CACHD1: variants seen among roughly 807,000 people sequenced by gnomAD.
CACHD1 encodes VWFA and cache domain-containing protein 1.
In CACHD1, 71 loss-of-function variants were observed where a neutral mutation model predicts 138.7. The ratio of observed to expected loss-of-function variants is 0.51; its 90% CI spans 0.42 to 0.62. The LOEUF (loss-of-function observed/expected upper bound fraction) is 0.62. Ranked by LOEUF, CACHD1 falls within the 20% of genes least tolerant of loss-of-function variation. The pLI is 0.00. For synonymous variants in CACHD1, 578 were observed against 591.5 expected, an observed-to-expected ratio of 0.98 and a Z score of 0.33; for missense variants, 1,389 against 1,625.3, an observed-to-expected ratio of 0.85 and a Z score of 2.50.
In CACHD1 at chr1:64,691,542, C is replaced by T; in HGVS notation, c.3806C>T (p.Thr1269Ile). The T allele has an allele frequency of 6.2e-7, 1 of 1,613,886 alleles. No homozygotes were observed. Among genetic ancestry groups the T allele is most frequent in the Non-Finnish European group, 8.5e-7 (1 of 1,179,796 alleles). The change falls in exon 27 of 27, where the codon ACT becomes ATT. Residue 1269 changes from threonine (T) to isoleucine (I), a missense_variant. This residue lies in a region of CACHD1 where 78 missense variants were observed against 76.9 expected (regional missense o/e 1.01). Transcript: ENST00000651257. The stretch of plus-strand genomic sequence containing the variant: ...TTACAGGCGGCCGTCACGGTACACA[C>T]TGTCGATGCAGAATGCTAACAATCT... ...HHLQAAVTVH[T>I]VDAEC
intron 1 of CACHD1, among the ~76,000 whole-genome samples, chr1:64,477,933 C>A (rs940353450): frequency 4.6e-5 from 7 of 152,036 alleles, no homozygotes; most frequent in Admixed American, 6.6e-5. Flanking sequence ...CGCGCCCGGC[C>A]CCCCCAGATT....
Position 64,652,268 on chromosome 1 carries a change from C to G in CACHD1, c.1498C>G (p.Gln500Glu). 2 of 1,613,426 alleles carry G rather than the reference C, an allele frequency of 1.2e-6. No individual in the cohort carries two copies. Among genetic ancestry groups the G allele is most frequent in the Non-Finnish European group, 1.7e-6 (2 of 1,179,676 alleles). The change falls in exon 10 of 27, where the codon CAA (glutamine) becomes GAA (glutamate). Residue 500 changes from glutamine (Q) to glutamate (E), a missense_variant. Gln to Glu is a conservative substitution (Grantham distance 29). Transcript: ENST00000651257. ...AYILEDVTYY[Q>E]DSLASYTFLI... ...CATTCTTGAAGACGTGACGTATTAC[C>G]AAGACTCTTTGGCTTCCTATACTTT...
intron 1 of CACHD1, among the ~76,000 whole-genome samples, chr1:64,472,870 G>A (rs943977336): frequency 1.4e-5 from 2 of 147,698 alleles, no homozygotes; most frequent in East Asian, 2.0e-4. Context: ...GCCCCCCCAC[G>A]CCTTTTCCTT....
At chr1:64,582,553 T>G (rs1468004361) in intron 3 of CACHD1, among the ~76,000 whole-genome samples, 3 of 152,068 alleles carry the variant, frequency 2.0e-5, no homozygotes, top group African/African-American at 7.2e-5. Context: ...AGTTGAGGAG[T>G]ATCAACTATT....
intron 2 of CACHD1, 97 bp downstream of exon 2, chr1:64,550,753 G>T: frequency 1.3e-6 from 1 of 769,576 alleles, no homozygotes; most frequent in South Asian, 1.6e-5. Flanking sequence ...GAGGTTTCCT[G>T]TTCTTTCTCT....
intron 7 of CACHD1, among the ~76,000 whole-genome samples, chr1:64,639,693 A>G (rs1326233055): frequency 6.6e-6 from 1 of 152,264 alleles, no homozygotes; most frequent in Non-Finnish European, 1.5e-5. Flanking sequence ...ATGGAAATGT[A>G]TAATTTGAAG....
At chr1:64,557,219 A>G (rs1646805426) in intron 2 of CACHD1, among the ~76,000 whole-genome samples, 1 of 152,182 alleles carries the variant, frequency 6.6e-6, no homozygotes, top group African/African-American at 2.4e-5. Flanking sequence ...ATGCCTCAGA[A>G]AGTAGCAAAA....
At chr1:64,546,179 G>A (rs930708726) in intron 1 of CACHD1, among the ~76,000 whole-genome samples, 1 of 152,074 alleles carries the variant, frequency 6.6e-6, no homozygotes, top group Non-Finnish European at 1.5e-5. Flanking sequence ...TTAGCCCTCC[G>A]GGGAGTTGGG....
chr1:64,529,431 C>G (rs558507804), intron 1 of CACHD1, among the ~76,000 whole-genome samples: 2 of 152,296 alleles, frequency 1.3e-5, no homozygotes, highest in Admixed American at 1.3e-4. Flanking sequence ...TACTTCGCAA[C>G]CAATCTACAA....
intron 9 of CACHD1, among the ~76,000 whole-genome samples, chr1:64,649,106 G>A (rs1457025192): frequency 2.6e-5 from 4 of 152,128 alleles, no homozygotes; most frequent in African/African-American, 7.2e-5. Context: ...AAACTCACGT[G>A]TAAAAAGTAA....
chr1:64,566,479 T>TCCCCTC (rs1553133823), intron 2 of CACHD1, among the ~76,000 whole-genome samples: 2 of 120,646 alleles, frequency 1.7e-5, no homozygotes, highest in African/African-American at 2.7e-5. Context: ...TGTTTTCAAT[T>TCCCCTC]CCCCCCCCCC....
At chr1:64,640,956 T>C (rs1648692907) in intron 7 of CACHD1, among the ~76,000 whole-genome samples, 1 of 152,132 alleles carries the variant, frequency 6.6e-6, no homozygotes, top group Admixed American at 6.6e-5. Context: ...TCAGTTATTC[T>C]ACCTCGCAGC....
intron 9 of CACHD1, 146 bp downstream of exon 9, chr1:64,648,180 C>T: frequency 1.6e-6 from 1 of 644,754 alleles, no homozygotes; most frequent in Non-Finnish European, 2.7e-6. Flanking sequence ...ATCCCCAGCC[C>T]AGGTTCTTCC....
chr1:64,591,942 G>C (rs1647109832), intron 3 of CACHD1, among the ~76,000 whole-genome samples: 1 of 152,186 alleles, frequency 6.6e-6, no homozygotes, highest in Admixed American at 6.5e-5. Context: ...TGCTTAAATA[G>C]GTCCTCGATA....
chr1:64,667,408 A>G (rs1411199579), intron 16 of CACHD1, among the ~76,000 whole-genome samples: 3 of 152,212 alleles, frequency 2.0e-5, no homozygotes, highest in South Asian at 2.1e-4. Context: ...ATCATGGCCT[A>G]TGTCTCGTGG....
intron 8 of CACHD1, 104 bp from the exon 9 acceptor site, chr1:64,647,697 A>G (rs2100672510): frequency 1.1e-6 from 1 of 889,562 alleles, no homozygotes; most frequent in South Asian, 1.7e-5. Flanking sequence ...CCCCTTTGGT[A>G]TTACAAGACC....
intron 1 of CACHD1, among the ~76,000 whole-genome samples, chr1:64,548,731 A>G (rs1466849432): frequency 6.6e-6 from 1 of 152,258 alleles, no homozygotes; most frequent in Non-Finnish European, 1.5e-5. Flanking sequence ...AGGACTATAC[A>G]TACACATCAG....
intron 2 of CACHD1, among the ~76,000 whole-genome samples, chr1:64,563,275 A>G (rs1274190716): frequency 1.3e-5 from 2 of 152,174 alleles, no homozygotes; most frequent in Admixed American, 6.5e-5. Flanking sequence ...ATTTCTCCAA[A>G]TATCTGCTGG....
chr1:64,578,841 A>T (rs1646989447), intron 2 of CACHD1, among the ~76,000 whole-genome samples: 1 of 152,214 alleles, frequency 6.6e-6, no homozygotes, highest in Non-Finnish European at 1.5e-5. Context: ...TTTAGGAGTC[A>T]CGTAGTATCA....
Sources: gnomAD v4.1 joint callset for allele counts (sites outside exome capture counted in the v4.1 genomes callset) on GRCh38, gnomAD v4.1.1 for gene constraint, gnomAD v4.1.1 regional missense constraint, MANE v1.5 for transcripts, NCBI Gene and HGNC (gene_info 2026-07-23, HGNC 2026-07-21) for gene names.